PIWIL3: variants seen among roughly 807,000 people sequenced by gnomAD.
PIWIL3 encodes the protein piwi like RNA-mediated gene silencing 3, also known as piwi-like protein 3.
Under a neutral mutation model 109.7 loss-of-function variants are expected in PIWIL3, and 101 were observed. That is an observed-to-expected ratio of 0.92 (90% confidence interval 0.78 to 1.09). PIWIL3 has a LOEUF of 1.09. PIWIL3 is among the 50% of genes least tolerant of loss of function. The pLI is 0.00. For synonymous variants in PIWIL3, 373 were observed against 376.4 expected (o/e 0.99, Z 0.10); for missense variants, 1,031 against 1,072.6 (o/e 0.96, Z 0.54).
chr22:24,720,035 C>A, intron 19 of PIWIL3, 140 bp from the exon 20 acceptor site: 1 of 727,292 alleles, frequency 1.4e-6, no homozygotes, highest in Non-Finnish European at 2.1e-6. Context: ...CATTTAGAAA[C>A]CTAACTGATA....
intron 1 of PIWIL3, among the ~76,000 whole-genome samples, chr22:24,764,881 CTGTGAAAAGGAACAG>C (rs1270053045): frequency 6.6e-6 from 1 of 152,104 alleles, no homozygotes; most frequent in East Asian, 1.9e-4. Context: ...GGGCAGGGTT[CTGTGAAAAGGAACAG>C]TGTGGTTTGG....
chr22:24,769,980 T>A (rs1926039763), intron 1 of PIWIL3, among the ~76,000 whole-genome samples: 1 of 152,136 alleles, frequency 6.6e-6, no homozygotes, highest in Non-Finnish European at 1.5e-5. Flanking sequence ...AAGCTTGGTT[T>A]AAAGGATAAT....
rs538902647 is a variant in PIWIL3 at position 24,729,107 on chromosome 22, A to G, written c.1708-733T>C. ...CAGTGCGGACTCCATGGGAAGTTGC[A>G]TAAGGGGGAGGCTTGGCTGAGACAG... On this transcript the variant is annotated intron_variant, in intron 14 of 20. Transcript: ENST00000616349. Among the ~76,000 whole-genome samples the G allele has an allele frequency of 3.3e-4, 51 of 152,326 alleles. 1 individual carries two copies. The highest frequency in any genetic ancestry group is 9.8e-4 in the Admixed American group (15 of 15,304).
Position 24,755,925 on chromosome 22 carries a change from A to ACG in PIWIL3, c.571-21_571-20insCG. ...CACTCTCTGAGATTAAAAAAAAACA[A>ACG]AAAAAAAAGTCCAGATATTCTTCCA... is the stretch of plus-strand genomic sequence containing the variant. On this transcript the variant is annotated intron_variant, in intron 5 of 20. Transcript: ENST00000616349. 1.4e-6 allele frequency: 2 copies of ACG among 1,443,088 alleles called. No homozygotes were observed. The highest frequency in any genetic ancestry group is 1.8e-6 in the Non-Finnish European group (2 of 1,088,076). The allele number at this position is 1,443,088 out of a possible 1,614,324, so 89.4% of individuals were successfully genotyped here. A position where few individuals can be genotyped will look rare whatever the true frequency, so the allele number is the denominator to read the frequency against.
chr22:24,720,244 G>C (rs941730683), intron 19 of PIWIL3, among the ~76,000 whole-genome samples: 1 of 145,930 alleles, frequency 6.9e-6, no homozygotes, highest in Non-Finnish European at 1.5e-5. Flanking sequence ...AGAATCACTG[G>C]ACTATATTTA....
At position 24,723,262 on chromosome 22, in the gene PIWIL3, A is replaced by G. The variant is rs766883812; in HGVS notation, c.2232-7T>C. ...AATGAAAGCTAGAGTGAAACTTAAA[A>G]AAATTAGGGTAAGTGTCACTATGTT... On this transcript the variant is annotated splice_polypyrimidine_tract_variant and splice_region_variant and intron_variant, in intron 18 of 20. Transcript: ENST00000616349. 6.2e-7 allele frequency: 1 copy of G among 1,607,138 alleles called. No homozygotes were observed. The highest frequency in any genetic ancestry group is 2.2e-5 in the East Asian group (1 of 44,814).
chr22:24,720,150 G>A (rs1406644254), intron 19 of PIWIL3, among the ~76,000 whole-genome samples: 2 of 149,892 alleles, frequency 1.3e-5, no homozygotes, highest in African/African-American at 4.9e-5. Flanking sequence ...CCTAGAGGAA[G>A]AAACAAGATT....
chr22:24,732,519 C>G (rs1367815065), intron 14 of PIWIL3, among the ~76,000 whole-genome samples: 1 of 152,080 alleles, frequency 6.6e-6, no homozygotes, highest in Non-Finnish European at 1.5e-5. Context: ...AAAGAAAGCC[C>G]CACATTAAAA....
intron 1 of PIWIL3, among the ~76,000 whole-genome samples, chr22:24,771,977 G>A (rs1057331695): frequency 2.0e-5 from 3 of 152,162 alleles, no homozygotes; most frequent in Non-Finnish European, 2.9e-5. Context: ...TACAGGCGTT[G>A]AGTCACTGTG....
In PIWIL3 at chr22:24,728,198, G is replaced by GT; in HGVS notation, c.1883_1884insA (p.Leu629ProfsTer17). On this transcript the variant is annotated frameshift_variant, in exon 15 of 21. Coordinates refer to ENST00000616349, the MANE Select transcript of PIWIL3 (RefSeq NM_001255975.1). LOFTEE classifies it high-confidence loss of function. Reference sequence around the variant, plus strand: ...ATACGTCTGTCTCCACCTTCCAGAGGGCTCCTCCCATCTTGCAATTCATCT... The same window carrying GT: ...ATACGTCTGTCTCCACCTTCCAGAGGTGCTCCTCCCATCTTGCAATTCATCT... 6.2e-7 allele frequency: 1 copy of GT among 1,614,114 alleles called. No homozygotes were observed. Among genetic ancestry groups the GT allele is most frequent in the Non-Finnish European group, 8.5e-7 (1 of 1,180,022 alleles).
chr22:24,744,185 A>AAAAAAAAAC (rs1569103573), intron 12 of PIWIL3, among the ~76,000 whole-genome samples: 32 of 144,588 alleles, frequency 2.2e-4, no homozygotes, highest in African/African-American at 8.1e-4. Flanking sequence ...AATTAAAAAA[A>AAAAAAAAAC]AAAAAAAAAA....
At chr22:24,742,381 A>T (rs768697647) in intron 12 of PIWIL3, among the ~76,000 whole-genome samples, 1 of 124,026 alleles carries the variant, frequency 8.1e-6, no homozygotes, top group Non-Finnish European at 1.8e-5. Context: ...TCTTCATAGA[A>T]CTAGAAAAAA....
At chr22:24,742,224 AAC>A (rs1924051324) in intron 12 of PIWIL3, among the ~76,000 whole-genome samples, 1 of 151,970 alleles carries the variant, frequency 6.6e-6, no homozygotes, top group Non-Finnish European at 1.5e-5. Context: ...GGAAAACTAC[AAC>A]AGACTACTGA....
chr22:24,763,673 C>T (rs1203597756), intron 1 of PIWIL3, among the ~76,000 whole-genome samples: 2 of 152,142 alleles, frequency 1.3e-5, no homozygotes, highest in East Asian at 3.9e-4. Context: ...GGGGTTACTA[C>T]GCTTGTCTGT....
At chr22:24,739,623 T>C (rs569856101) in intron 12 of PIWIL3, among the ~76,000 whole-genome samples, 16 of 151,998 alleles carry the variant, frequency 1.1e-4, no homozygotes, top group African/African-American at 3.6e-4. Flanking sequence ...GACAAAGACT[T>C]TTCCAGACAA....
rs755109499 is a variant in PIWIL3, at chr22:24,728,010, A to G, written c.1949T>C (p.Ile650Thr). 2.5e-6 allele frequency: 4 copies of G among 1,614,070 alleles called. No homozygotes were observed. In the East Asian group the frequency reaches 8.9e-5, roughly 36 times the overall value. The change falls in exon 16 of 21, where the codon ATC (isoleucine) becomes ACC (threonine). Residue 650 changes from isoleucine to threonine, a missense_variant. Physicochemically the swap from Ile to Thr is moderately conservative, Grantham distance 89 (BLOSUM62 -1). Transcript: ENST00000616349. Reference protein sequence around the residue: ...MFVGIDCFHDIVNRQKSIAGF... With the variant: ...MFVGIDCFHDTVNRQKSIAGF... ...TGCTATTGATTTCTGTCGATTTACG[A>G]TATCGTGGAAACAATCAATGCCAAC...
At chr22:24,729,324 CAG>C (rs1443190645) in intron 14 of PIWIL3, among the ~76,000 whole-genome samples, 2 of 152,124 alleles carry the variant, frequency 1.3e-5, no homozygotes, top group African/African-American at 2.4e-5. Flanking sequence ...GGCCATGAAA[CAG>C]AGAGCTCGGA....
At chr22:24,763,591 T>G (rs1027962388) in intron 1 of PIWIL3, among the ~76,000 whole-genome samples, 4 of 152,120 alleles carry the variant, frequency 2.6e-5, no homozygotes, top group African/African-American at 9.7e-5. Context: ...TGAACCACCG[T>G]GCTCGGCCAA....
intron 1 of PIWIL3, among the ~76,000 whole-genome samples, chr22:24,766,743 G>C (rs138636185): frequency 6.6e-6 from 1 of 152,088 alleles, no homozygotes; most frequent in Non-Finnish European, 1.5e-5. Flanking sequence ...TATCTGGCAC[G>C]GTTTCTTAAC....
Sources: gnomAD v4.1 joint callset for allele counts (sites outside exome capture counted in the v4.1 genomes callset) on GRCh38, gnomAD v4.1.1 for gene constraint, MANE v1.5 for transcripts, NCBI Gene and HGNC (gene_info 2026-07-23, HGNC 2026-07-21) for gene names.